Variants in PIK3AP1 observed in about 807,000 individuals in gnomAD.
PIK3AP1 encodes phosphoinositide-3-kinase adaptor protein 1.
A neutral mutation model predicts 88.1 loss-of-function variants in PIK3AP1; 21 were observed. That is an observed-to-expected ratio of 0.24 (90% CI 0.17 to 0.34). The LOEUF (loss-of-function observed/expected upper bound fraction) is 0.34, where lower values mean the gene tolerates loss of function less well. Ranked by LOEUF, PIK3AP1 falls within the 10% of genes least tolerant of loss-of-function variation. The pLI is 1.00. For missense variants in PIK3AP1, 828 were observed against 1,035.7 expected, an observed-to-expected ratio of 0.80 and a Z score of 2.75; for synonymous variants, 398 against 400.0, an observed-to-expected ratio of 1.00 and a Z score of 0.06.
At chr10:96,671,624 A>G (rs953224258) in intron 2 of PIK3AP1, among the ~76,000 whole-genome samples, 3 of 152,224 alleles carry the variant, frequency 2.0e-5, no homozygotes. Context: ...TAGAAGTGTT[A>G]GTGTGAGTTA....
chr10:96,646,470 C>T (rs1420639112), intron 7 of PIK3AP1, among the ~76,000 whole-genome samples: 1 of 152,086 alleles, frequency 6.6e-6, no homozygotes, highest in Non-Finnish European at 1.5e-5. Context: ...TTCTTCTACA[C>T]CCTAGTGGTT....
intron 8 of PIK3AP1, among the ~76,000 whole-genome samples, chr10:96,629,930 A>AAAAAAGAAGAAG (rs776780994): frequency 1.5e-4 from 2 of 13,718 alleles, no homozygotes; most frequent in African/African-American, 1.8e-4. Flanking sequence ...AAAAAAAAAA[A>AAAAAAGAAGAAG]AAGAAGAAGA....
chr10:96,667,190 AT>A (rs1843776060), intron 2 of PIK3AP1, among the ~76,000 whole-genome samples: 1 of 152,090 alleles, frequency 6.6e-6, no homozygotes, highest in Non-Finnish European at 1.5e-5. Flanking sequence ...GCACTCTCCC[AT>A]TTTCCAACTG....
intron 2 of PIK3AP1, among the ~76,000 whole-genome samples, chr10:96,670,241 A>C (rs774254098): frequency 5.3e-5 from 8 of 152,036 alleles, no homozygotes; most frequent in Non-Finnish European, 1.2e-4. Flanking sequence ...AAACTTCCTA[A>C]GAGATGAAGA....
chr10:96,669,344 G>A (rs893869860), intron 2 of PIK3AP1, among the ~76,000 whole-genome samples: 3 of 152,074 alleles, frequency 2.0e-5, no homozygotes, highest in Admixed American at 2.0e-4. Flanking sequence ...AGCTTACTAC[G>A]AAGTTTCCTA....
chr10:96,653,943 C>T (rs1379428263), intron 3 of PIK3AP1, among the ~76,000 whole-genome samples: 5 of 152,196 alleles, frequency 3.3e-5, no homozygotes, highest in East Asian at 1.9e-4. Flanking sequence ...CTACTCAAGG[C>T]GGAGCCAAGG....
intron 8 of PIK3AP1, among the ~76,000 whole-genome samples, chr10:96,638,721 G>A (rs2134220676): frequency 6.6e-6 from 1 of 152,294 alleles, no homozygotes; most frequent in Middle Eastern, 3.4e-3. Context: ...GTCGCACGCG[G>A]TAGCCCACCT....
chr10:96,635,375 T>C (rs2134216891), intron 8 of PIK3AP1, among the ~76,000 whole-genome samples: 1 of 152,338 alleles, frequency 6.6e-6, no homozygotes, highest in African/African-American at 2.4e-5. Context: ...AGTCTCTAGA[T>C]GTGCACTGCC....
intron 2 of PIK3AP1, among the ~76,000 whole-genome samples, chr10:96,658,789 C>T (rs1273127529): frequency 2.6e-5 from 4 of 150,992 alleles, no homozygotes; most frequent in East Asian, 3.8e-4. Flanking sequence ...CTTGTCTGTA[C>T]GTCAGGCAGA....
At chr10:96,645,772 G>C in intron 7 of PIK3AP1, 110 bp from the exon 8 acceptor site, 2 of 861,018 alleles carry the variant, frequency 2.3e-6, no homozygotes, top group South Asian at 3.6e-5. Flanking sequence ...CCATGAGTCA[G>C]GATTACAACT....
Position 96,597,901 on chromosome 10 carries a change from A to C in PIK3AP1, c.2361-2267T>G, listed in dbSNP as rs186764736. ...TCCGCTTTCTGCTGCCACACTGTGC[A>C]GTTGGGGTGGGCCTATGGGCATACC... is the stretch of plus-strand genomic sequence containing the variant. On this transcript the variant is annotated intron_variant, in intron 16 of 16. Transcript: ENST00000339364. Among the ~76,000 whole-genome samples, 328 of 152,304 alleles carry C rather than the reference A, an allele frequency of 2.2e-3. 4 individuals are homozygous for C. Among genetic ancestry groups the C allele is most frequent in the African/African-American group, 7.6e-3 (316 of 41,560 alleles).
At chr10:96,635,992 G>A (rs1843307200) in intron 8 of PIK3AP1, among the ~76,000 whole-genome samples, 1 of 151,518 alleles carries the variant, frequency 6.6e-6, no homozygotes, top group South Asian at 2.1e-4. Flanking sequence ...TGGATCATGA[G>A]GTCAGGAGTT....
intron 2 of PIK3AP1, among the ~76,000 whole-genome samples, chr10:96,703,947 C>T (rs1309516896): frequency 2.0e-5 from 3 of 152,152 alleles, no homozygotes; most frequent in Admixed American, 2.0e-4. Context: ...AAAACATCTG[C>T]TTAATTTTAA....
chr10:96,655,273 G>A (rs1172028665), intron 3 of PIK3AP1, among the ~76,000 whole-genome samples: 1 of 152,166 alleles, frequency 6.6e-6, no homozygotes, highest in African/African-American at 2.4e-5. Flanking sequence ...TGGGGCTGAG[G>A]TGAATGGATC....
chr10:96,696,383 T>C (rs1589543393), intron 2 of PIK3AP1, among the ~76,000 whole-genome samples: 1 of 152,236 alleles, frequency 6.6e-6, no homozygotes, highest in African/African-American at 2.4e-5. Context: ...CTGAAAATTT[T>C]CTGCCCAGAA....
intron 7 of PIK3AP1, 63 bp from the exon 8 acceptor site, chr10:96,645,725 C>T: frequency 1.4e-6 from 2 of 1,420,344 alleles, no homozygotes; most frequent in Non-Finnish European, 1.9e-6. Flanking sequence ...TGGAACTTGG[C>T]CCCCGAAGGC....
chr10:96,718,409 C>G (rs1055824752), intron 1 of PIK3AP1, among the ~76,000 whole-genome samples: 2 of 152,218 alleles, frequency 1.3e-5, no homozygotes, highest in African/African-American at 4.8e-5. Context: ...TTGCTCTCAC[C>G]ACTGTGATCT....
In PIK3AP1 at chr10:96,620,219, T is replaced by A. The variant is rs905061528; in HGVS notation, c.1941+133A>T. The A allele has an allele frequency of 1.8e-4, 177 of 963,020 alleles. No homozygotes were observed. In the East Asian group the frequency reaches 4.3e-3, roughly 23 times the overall value. The allele number at this position is 963,020 out of a possible 1,614,324, so 59.7% of individuals were successfully genotyped here. A position where few individuals can be genotyped will look rare whatever the true frequency, so the allele number is the denominator to read the frequency against. ...CTCATACACACTCACTGGTTCACAA[T>A]GAAACTCAAACATTCGCAGGCACAG... On this transcript the variant is annotated intron_variant, in intron 12 of 16. Coordinates refer to ENST00000339364, the MANE Select transcript of PIK3AP1 (RefSeq NM_152309.3).
rs757468635 is a variant in PIK3AP1, at chr10:96,648,655, T to C, written c.1185+4A>G. On this transcript the variant is annotated splice_donor_region_variant and intron_variant, in intron 7 of 16. Coordinates refer to ENST00000339364, the MANE Select transcript of PIK3AP1 (RefSeq NM_152309.3). ...ATCCTGGGCCCCTCCTGCCTTGACC[T>C]TACCACATACTCGTCGATGAACTGC... is the stretch of plus-strand genomic sequence containing the variant. The C allele has an allele frequency of 1.2e-6, 2 of 1,604,310 alleles. No individual in the cohort carries two copies. The highest frequency in any genetic ancestry group is 1.7e-6 in the Non-Finnish European group (2 of 1,176,368).
Sources: gnomAD v4.1 joint callset for allele counts (sites outside exome capture counted in the v4.1 genomes callset) on GRCh38, gnomAD v4.1.1 for gene constraint, MANE v1.5 for transcripts, NCBI Gene and HGNC (gene_info 2026-07-23, HGNC 2026-07-21) for gene names.